The following PDCL2 variants were observed in gnomAD, a reference collection of about 807,000 sequenced individuals.
PDCL2 encodes phosducin-like protein 2.
Under a neutral mutation model 30.3 loss-of-function variants are expected in PDCL2, and 23 were observed. That is an observed-to-expected ratio of 0.76 (90% CI 0.55 to 1.08). PDCL2 has a LOEUF of 1.08. Among genes scored for constraint, PDCL2 ranks in the 50% least tolerant of loss-of-function variants. PDCL2 has a pLI of 0.00. For synonymous variants in PDCL2, 68 were observed against 86.2 expected (o/e 0.79, Z 1.17); for missense variants, 243 against 282.3 (o/e 0.86, Z 1.00).
chr4:55,573,424 G>C (rs34534635), intron 3 of PDCL2, among the ~76,000 whole-genome samples: 46,025 of 151,834 alleles, frequency 0.3, 7,570 homozygotes, highest in East Asian at 0.58. Flanking sequence ...TTGTCCGAAG[G>C]TACTGGCTAG....
chr4:55,589,847 G>C (rs1358093389), intron 1 of PDCL2, among the ~76,000 whole-genome samples: 3 of 152,064 alleles, frequency 2.0e-5, no homozygotes, highest in Non-Finnish European at 4.4e-5. Flanking sequence ...AAAGAAGAAG[G>C]GTATGTGGGA....
rs1272377900 is a variant in PDCL2, at chr4:55,570,043, TATC to T, written c.219-185_219-183del. 2.6e-5 allele frequency among the ~76,000 whole-genome samples: 4 copies of T among 152,192 alleles called. No individual in the cohort carries two copies. In the East Asian group the frequency reaches 5.8e-4, roughly 22 times the overall value. ...TCTCTTTTTATATGCAAATTTGTGT[TATC>T]ATGGTTATTGGAAAGTGTAAGAAGT... On this transcript the variant is annotated intron_variant, in intron 3 of 5. Transcript: ENST00000295645.
chr4:55,562,651 G>T, intron 4 of PDCL2, 39 bp from the exon 5 acceptor site: 1 of 1,393,422 alleles, frequency 7.2e-7, no homozygotes, highest in South Asian at 1.4e-5. Context: ...TTAATAAATG[G>T]GCTACTCATC....
At position 55,565,549 on chromosome 4, in the gene PDCL2, T is replaced by A. The variant is rs542176353; in HGVS notation, c.363-2937A>T. ...CTCACTCATTATCACAAGAACAGCATGAGGGTAACTGCCCCCATGATTAAA... is the reference window on the plus strand; with the variant it reads ...CTCACTCATTATCACAAGAACAGCAAGAGGGTAACTGCCCCCATGATTAAA... On this transcript the variant is annotated intron_variant, in intron 4 of 5. Coordinates refer to ENST00000295645, the MANE Select transcript of PDCL2 (RefSeq NM_152401.3). Among the ~76,000 whole-genome samples the A allele has an allele frequency of 3.3e-5, 5 of 152,228 alleles. No homozygotes were observed. The East Asian group carries it at 9.7e-4, about 29-fold the overall frequency.
At chr4:55,562,077 T>C (rs1732149884) in intron 5 of PDCL2, among the ~76,000 whole-genome samples, 1 of 152,062 alleles carries the variant, frequency 6.6e-6, no homozygotes, top group African/African-American at 2.4e-5. Context: ...CACAAATGAG[T>C]AATGTCTATT....
In PDCL2 at chr4:55,568,267, G is replaced by A. The variant is rs144718733; in HGVS notation, c.362+1451C>T. ...GGACCTAAAGCTAGAAGGACTGAAC[G>A]AGAGAAACATTCAAAAGTCTACTTT... On this transcript the variant is annotated intron_variant, in intron 4 of 5. Transcript: ENST00000295645. 3.3e-5 allele frequency among the ~76,000 whole-genome samples: 5 copies of A among 152,284 alleles called. No individual in the cohort carries two copies. In the East Asian group the frequency reaches 9.6e-4, roughly 29 times the overall value.
intron 4 of PDCL2, among the ~76,000 whole-genome samples, chr4:55,568,599 AT>A (rs1732329892): frequency 6.6e-6 from 1 of 151,818 alleles, no homozygotes; most frequent in Non-Finnish European, 1.5e-5. Flanking sequence ...AGAAAATGGT[AT>A]TGTGGTTATG....
At chr4:55,591,973 T>C in intron 1 of PDCL2, 131 bp downstream of exon 1, 2 of 1,289,708 alleles carry the variant, frequency 1.6e-6, no homozygotes, top group Non-Finnish European at 2.1e-6. Context: ...ACGCAAAATT[T>C]AGCACTTTCC....
At chr4:55,560,917 C>T (rs930334622) in intron 5 of PDCL2, among the ~76,000 whole-genome samples, 5 of 152,124 alleles carry the variant, frequency 3.3e-5, no homozygotes, top group African/African-American at 1.2e-4. Context: ...CTGCTGGCGC[C>T]TTGATCTGGG....
chr4:55,573,272 T>G (rs1481758426), intron 3 of PDCL2, among the ~76,000 whole-genome samples: 1 of 152,184 alleles, frequency 6.6e-6, no homozygotes, highest in Non-Finnish European at 1.5e-5. Flanking sequence ...GCAGATTTGT[T>G]TATTGCTGTG....
intron 2 of PDCL2, among the ~76,000 whole-genome samples, 175 bp downstream of exon 2, chr4:55,581,942 C>T (rs781057936): frequency 2.6e-5 from 4 of 152,104 alleles, no homozygotes; most frequent in Non-Finnish European, 5.9e-5. Flanking sequence ...CTCCTGACCT[C>T]GTGATCCGCT....
chr4:55,575,833 T>C (rs1732553769), intron 3 of PDCL2, among the ~76,000 whole-genome samples: 2 of 152,122 alleles, frequency 1.3e-5, no homozygotes, highest in South Asian at 4.1e-4. Flanking sequence ...AAAACTATGC[T>C]TCAAGAATGA....
At chr4:55,580,321 G>C (rs1732677896) in intron 3 of PDCL2, among the ~76,000 whole-genome samples, 1 of 152,108 alleles carries the variant, frequency 6.6e-6, no homozygotes, top group South Asian at 2.1e-4. Context: ...TCTTTGTCTG[G>C]TTTTAGTATC....
At chr4:55,568,088 G>A (rs1732318328) in intron 4 of PDCL2, among the ~76,000 whole-genome samples, 1 of 152,222 alleles carries the variant, frequency 6.6e-6, no homozygotes, top group Middle Eastern at 3.4e-3. Context: ...GTTATATACA[G>A]GGCTATAATT....
chr4:55,591,654 C>CA (rs1281632129), intron 1 of PDCL2, among the ~76,000 whole-genome samples: 2 of 152,124 alleles, frequency 1.3e-5, no homozygotes, highest in African/African-American at 4.8e-5. Flanking sequence ...AAAAGTCTAA[C>CA]AGAGTTTTTG....
chr4:55,562,343 T>C (rs1732154749), intron 5 of PDCL2, 61 bp downstream of exon 5: 6 of 1,153,046 alleles, frequency 5.2e-6, no homozygotes, highest in Non-Finnish European at 7.1e-6. Context: ...GCTTTCAGGA[T>C]GCTTGTTAGT....
intron 1 of PDCL2, among the ~76,000 whole-genome samples, chr4:55,591,287 G>A (rs1490458228): frequency 6.6e-6 from 1 of 150,422 alleles, no homozygotes; most frequent in South Asian, 2.1e-4. Flanking sequence ...CAATTTTACT[G>A]TACCAAAAAA....
At position 55,582,218 on chromosome 4, in the gene PDCL2, T is replaced by C. The variant is rs1373355852; in HGVS notation, c.26A>G (p.Glu9Gly). 1.9e-6 allele frequency: 3 copies of C among 1,607,984 alleles called. No individual in the cohort carries two copies. Among genetic ancestry groups the C allele is most frequent in the African/African-American group, 2.7e-5 (2 of 74,718 alleles). Residue 9 changes from glutamate (E) to glycine (G), a missense_variant, in exon 2 of 6, where the codon GAA (glutamate) becomes GGA (glycine). By Grantham distance (98) the Glu-to-Gly change is moderately conservative. Transcript: ENST00000295645. ...GAAATCTCTTAAAATGTCATTCCAT[T>C]CTGTATCTTCATTGGGATCCTACAC... MQDPNEDTEWNDILRDFGI... is the reference protein window; with the variant it reads MQDPNEDTGWNDILRDFGI...
chr4:55,588,580 G>A (rs901472072), intron 1 of PDCL2, among the ~76,000 whole-genome samples: 1 of 152,210 alleles, frequency 6.6e-6, no homozygotes, highest in Non-Finnish European at 1.5e-5. Flanking sequence ...TTAAGGCTGT[G>A]TCATGGGTAC....
Sources: gnomAD v4.1 joint callset for allele counts (sites outside exome capture counted in the v4.1 genomes callset) on GRCh38, gnomAD v4.1.1 for gene constraint, MANE v1.5 for transcripts, NCBI Gene and HGNC (gene_info 2026-07-23, HGNC 2026-07-21) for gene names.